Variants in RPH3AL observed in about 807,000 individuals in gnomAD.
RPH3AL encodes rab effector Noc2.
In RPH3AL, 38 loss-of-function variants were observed where a neutral mutation model predicts 43.1. That is an observed-to-expected ratio of 0.88 (90% CI 0.68 to 1.15). The LOEUF is 1.15. Among genes scored for constraint, RPH3AL ranks in the 50% most tolerant of loss-of-function variants. RPH3AL has a pLI of 0.00. For synonymous variants in RPH3AL, 189 were observed against 176.3 expected (o/e 1.07, Z -0.57); for missense variants, 462 against 423.2 (o/e 1.09, Z -0.81).
chr17:244,263 C>T (rs1026891817), intron 7 of RPH3AL, among the ~76,000 whole-genome samples: 1 of 151,348 alleles, frequency 6.6e-6, no homozygotes, highest in Non-Finnish European at 1.5e-5. Flanking sequence ...CTATTGATTA[C>T]CTTCCTCTAT....
chr17:285,659 C>T (rs748023150), intron 5 of RPH3AL, among the ~76,000 whole-genome samples: 4 of 152,190 alleles, frequency 2.6e-5, no homozygotes, highest in African/African-American at 4.8e-5. Flanking sequence ...CGTGGCCTCA[C>T]GTGGCCGGTG....
At chr17:230,634 TG>T (rs1273873793) in intron 7 of RPH3AL, among the ~76,000 whole-genome samples, 1 of 152,182 alleles carries the variant, frequency 6.6e-6, no homozygotes, top group Non-Finnish European at 1.5e-5. Flanking sequence ...TGGCCTGGTC[TG>T]GGTTGGGTGT....
intron 7 of RPH3AL, among the ~76,000 whole-genome samples, chr17:220,132 C>T (rs1344656581): frequency 6.6e-6 from 1 of 152,124 alleles, no homozygotes; most frequent in Non-Finnish European, 1.5e-5. Flanking sequence ...ACAATAGACC[C>T]AAGAACAACA....
At position 212,537 on chromosome 17, in the gene RPH3AL, G is replaced by A. The variant is rs185792815; in HGVS notation, c.*1315C>T. On this transcript the variant is annotated 3_prime_UTR_variant, in exon 10 of 10. Coordinates refer to ENST00000331302, the MANE Select transcript of RPH3AL (RefSeq NM_006987.4). ...CATTGTTTTAATTCTGAAGCATAAC[G>A]TGCCACAGGGAAAGTGAGTTTCTTT... 1.3e-5 allele frequency: 2 copies of A among 152,168 alleles called. No individual in the cohort carries two copies. The highest frequency in any genetic ancestry group is 1.9e-4 in the East Asian group (1 of 5,156). 9.4% of individuals were successfully genotyped at this position (152,168 alleles called of 1,614,324 possible). A position where few individuals can be genotyped will look rare whatever the true frequency, so the allele number is the denominator to read the frequency against.
intron 6 of RPH3AL, 127 bp from the exon 7 acceptor site, chr17:247,412 C>G: frequency 1.1e-6 from 1 of 933,310 alleles, no homozygotes. Context: ...AACTCTGGCT[C>G]TGCCCTCCCT....
rs1006682485 is a variant in RPH3AL at position 246,554 on chromosome 17, G to T, written c.613+557C>A. On this transcript the variant is annotated intron_variant, in intron 7 of 9. Coordinates refer to ENST00000331302, the MANE Select transcript of RPH3AL (RefSeq NM_006987.4). The surrounding 1 kb of genome is among the most constrained non-coding windows in gnomAD (Gnocchi z 4.8). ...CAAACATCAAAGCATCATGAAAGCT[G>T]CGGAGAACGGTCCACAACCAGGCGC... 1.3e-5 allele frequency among the ~76,000 whole-genome samples: 2 copies of T among 152,164 alleles called. No homozygotes were observed. The highest frequency in any genetic ancestry group is 4.8e-5 in the African/African-American group (2 of 41,436).
At chr17:262,653 C>A (rs572143908) in intron 6 of RPH3AL, among the ~76,000 whole-genome samples, 1 of 152,306 alleles carries the variant, frequency 6.6e-6, no homozygotes, top group East Asian at 1.9e-4. Context: ...GTTTACATCT[C>A]CCCTGTGACC....
At chr17:265,943 G>A (rs1399933159) in intron 6 of RPH3AL, among the ~76,000 whole-genome samples, 2 of 152,176 alleles carry the variant, frequency 1.3e-5, no homozygotes, top group African/African-American at 4.8e-5. Flanking sequence ...CGCTCACGGC[G>A]GATGTTCAGC....
intron 5 of RPH3AL, among the ~76,000 whole-genome samples, chr17:285,255 G>A (rs910013425): frequency 3.9e-5 from 6 of 152,284 alleles, no homozygotes; most frequent in African/African-American, 9.6e-5. Context: ...TTCCTGAGAC[G>A]TGACTCTCGG....
At chr17:271,754 C>G (rs1328376259) in intron 6 of RPH3AL, among the ~76,000 whole-genome samples, 1 of 152,172 alleles carries the variant, frequency 6.6e-6, no homozygotes, top group African/African-American at 2.4e-5. Context: ...ATTGAATACC[C>G]TTTATTTCTT....
intron 6 of RPH3AL, among the ~76,000 whole-genome samples, chr17:257,095 G>T (rs1256433426): frequency 6.2e-5 from 4 of 64,900 alleles, no homozygotes; most frequent in East Asian, 1.2e-3. Context: ...CTAGGAACGT[G>T]ACTACCCTAC....
At chr17:338,039 A>C (rs753329930) in intron 1 of RPH3AL, among the ~76,000 whole-genome samples, 37 of 152,158 alleles carry the variant, frequency 2.4e-4, no homozygotes, top group Non-Finnish European at 5.0e-4. Flanking sequence ...CAGCCCTCAG[A>C]TTTTAACAGC....
chr17:269,677 C>A, intron 6 of RPH3AL, among the ~76,000 whole-genome samples: 1 of 152,172 alleles, frequency 6.6e-6, no homozygotes, highest in East Asian at 1.9e-4. Context: ...GGGGATGAAG[C>A]GAGATGATCA....
At chr17:315,145 T>C (rs796077102) in intron 5 of RPH3AL, among the ~76,000 whole-genome samples, 240 of 116,998 alleles carry the variant, frequency 2.1e-3, no homozygotes, top group Middle Eastern at 5.0e-3. Flanking sequence ...TCCACCTCCA[T>C]TGACCTGTAG....
chr17:262,848 A>T (rs1320490598), intron 6 of RPH3AL, among the ~76,000 whole-genome samples: 3 of 152,152 alleles, frequency 2.0e-5, no homozygotes, highest in African/African-American at 7.2e-5. Flanking sequence ...CTGCAGGGTT[A>T]TTCAGTCCGA....
chr17:315,062 T>C (rs1036127308), intron 5 of RPH3AL, among the ~76,000 whole-genome samples: 1,981 of 55,402 alleles, frequency 0.036, 13 homozygotes, highest in South Asian at 0.052. Flanking sequence ...CACTGAACTG[T>C]AGTCCCTGTG....
chr17:265,967 G>A (rs549475812), intron 6 of RPH3AL, among the ~76,000 whole-genome samples: 1 of 152,194 alleles, frequency 6.6e-6, no homozygotes, highest in East Asian at 1.9e-4. Flanking sequence ...AGGGGGCAAA[G>A]CACAAGCAAG....
chr17:297,339 A>G (rs981834302), intron 5 of RPH3AL, among the ~76,000 whole-genome samples: 2 of 152,286 alleles, frequency 1.3e-5, no homozygotes, highest in South Asian at 4.1e-4. Context: ...TCTGTGAGCC[A>G]CTCTAGCAAA....
At chr17:298,704 CA>C (rs745555861) in intron 5 of RPH3AL, among the ~76,000 whole-genome samples, 6 of 36,350 alleles carry the variant, frequency 1.7e-4, no homozygotes, top group African/African-American at 4.0e-4. Flanking sequence ...GATGTTATCT[CA>C]AAAAAAAAAA....
Sources: allele counts gnomAD v4.1 joint callset (sites outside exome capture counted in the v4.1 genomes callset), GRCh38; gene constraint gnomAD v4.1.1; non-coding constraint Gnocchi (gnomAD v3.1); transcripts MANE v1.5; gene names NCBI Gene and HGNC (gene_info 2026-07-23, HGNC 2026-07-21).